STAB2: variants seen among roughly 807,000 people sequenced by gnomAD.
STAB2 encodes the protein stabilin-2.
STAB2 carries 288 observed loss-of-function variants against 338.1 expected under a neutral mutation model. That is an observed-to-expected ratio of 0.85 (90% CI 0.77 to 0.94). The LOEUF is 0.94. Ranked by LOEUF, STAB2 falls within the 40% of genes least tolerant of loss-of-function variation. The probability of loss-of-function intolerance (pLI) is 0.00; values close to 1 mark genes in which losing one functional copy is unlikely to be tolerated. For missense variants in STAB2, 3,141 were observed against 3,210.1 expected (o/e 0.98, Z 0.52); for synonymous variants, 1,202 against 1,193.3 (o/e 1.01, Z -0.15).
intron 44 of STAB2, among the ~76,000 whole-genome samples, chr12:103,720,094 C>G (rs1880640080): frequency 6.6e-6 from 1 of 152,154 alleles, no homozygotes; most frequent in Non-Finnish European, 1.5e-5. Flanking sequence ...CTACATGAAA[C>G]AGTTATGTAA....
chr12:103,641,953 C>G (rs1024914016), intron 9 of STAB2, among the ~76,000 whole-genome samples: 1 of 152,134 alleles, frequency 6.6e-6, no homozygotes, highest in Non-Finnish European at 1.5e-5. Context: ...TCATTTATGC[C>G]TTCTCAATAT....
chr12:103,662,746 C>G, intron 17 of STAB2, 100 bp from the exon 18 acceptor site: 2 of 1,454,398 alleles, frequency 1.4e-6, no homozygotes, highest in Middle Eastern at 1.9e-4. Context: ...ATGTTGAGGA[C>G]TTTTTAGCAA....
At chr12:103,644,049 G>A (rs1189515797) in intron 9 of STAB2, among the ~76,000 whole-genome samples, 1 of 107,288 alleles carries the variant, frequency 9.3e-6, no homozygotes, top group Non-Finnish European at 2.1e-5. Context: ...AGCTCATTGA[G>A]AACGGGCCAT....
chr12:103,644,647 A>C (rs1231445884), intron 9 of STAB2, among the ~76,000 whole-genome samples: 5 of 152,344 alleles, frequency 3.3e-5, no homozygotes, highest in Middle Eastern at 3.4e-3. Context: ...TGTCTTACTC[A>C]TCTTTGCTGC....
chr12:103,714,223 ACT>A (rs747258016), intron 42 of STAB2, among the ~76,000 whole-genome samples: 17 of 152,162 alleles, frequency 1.1e-4, no homozygotes, highest in Admixed American at 3.3e-4. Context: ...TATCAAAGTA[ACT>A]CTCCCTGAAA....
chr12:103,611,510 C>A (rs1204677591), intron 3 of STAB2, among the ~76,000 whole-genome samples: 5 of 152,008 alleles, frequency 3.3e-5, no homozygotes, highest in Admixed American at 3.3e-4. Context: ...AGGATTGCAA[C>A]CCCTGCCTTT....
intron 50 of STAB2, 130 bp downstream of exon 50, chr12:103,731,765 A>G: frequency 1.2e-6 from 1 of 817,792 alleles, no homozygotes; most frequent in East Asian, 2.7e-5. Context: ...GGGAAGTCTC[A>G]GTTTTCTGGA....
chr12:103,729,490 A>G (rs191320272), intron 48 of STAB2, among the ~76,000 whole-genome samples: 80 of 152,280 alleles, frequency 5.3e-4, no homozygotes, highest in South Asian at 1.0e-3. Flanking sequence ...TTTGATGTGT[A>G]CTAACTCATT....
chr12:103,656,996 T>A (rs1161620556), intron 15 of STAB2, among the ~76,000 whole-genome samples: 1 of 152,166 alleles, frequency 6.6e-6, no homozygotes, highest in Non-Finnish European at 1.5e-5. Flanking sequence ...AGGATTTTTT[T>A]AAAACTTAAC....
intron 36 of STAB2, 183 bp downstream of exon 36, chr12:103,704,797 C>A: frequency 3.5e-6 from 2 of 565,958 alleles, no homozygotes; most frequent in East Asian, 3.2e-5. Flanking sequence ...TGGACCAAGG[C>A]AAAATTTAAT....
intron 39 of STAB2, among the ~76,000 whole-genome samples, chr12:103,709,830 A>T (rs1158649803): frequency 2.0e-5 from 3 of 152,182 alleles, no homozygotes; most frequent in Non-Finnish European, 4.4e-5. Flanking sequence ...TCACATAAAC[A>T]GTAGGACATT....
chr12:103,701,125 T>C (rs1454621626), intron 34 of STAB2, among the ~76,000 whole-genome samples: 1 of 151,696 alleles, frequency 6.6e-6, no homozygotes, highest in African/African-American at 2.4e-5. Flanking sequence ...GTTCTTGCGA[T>C]AGTTTACTGA....
chr12:103,737,592 CTCTCTCTCTT>C (rs749640321), intron 52 of STAB2, 32 bp from the exon 53 acceptor site: 6 of 1,404,600 alleles, frequency 4.3e-6, no homozygotes, highest in Admixed American at 2.3e-5. Flanking sequence ...CTCTCTCTCT[CTCTCTCTCTT>C]TCTCTTTTTT....
chr12:103,708,216 C>G (rs1201844326), intron 38 of STAB2, among the ~76,000 whole-genome samples: 1 of 152,194 alleles, frequency 6.6e-6, no homozygotes, highest in Non-Finnish European at 1.5e-5. Context: ...CTCAAAACTG[C>G]AGTCTGAGCC....
chr12:103,731,714 G>C lies in STAB2; in HGVS notation c.5283+79G>C. 2.0e-6 allele frequency: 3 copies of C among 1,481,984 alleles called. No homozygotes were observed. In the South Asian group the frequency reaches 3.6e-5, roughly 18 times the overall value. The allele number at this position is 1,481,984 out of a possible 1,614,324, so 91.8% of individuals were successfully genotyped here. A position where few individuals can be genotyped will look rare whatever the true frequency, so the allele number is the denominator to read the frequency against. Reference sequence around the variant, plus strand: ...TTTTGTTTGTTTTGTTGTTGTTTCTGTTTTGTTTTGACATTGGCCAGCTGT... The same window carrying C: ...TTTTGTTTGTTTTGTTGTTGTTTCTCTTTTGTTTTGACATTGGCCAGCTGT... On this transcript the variant is annotated intron_variant, in intron 50 of 68. Coordinates refer to ENST00000388887, the MANE Select transcript of STAB2 (RefSeq NM_017564.10).
chr12:103,658,350 C>G (rs577729979), intron 15 of STAB2, among the ~76,000 whole-genome samples: 41 of 152,240 alleles, frequency 2.7e-4, no homozygotes, highest in Admixed American at 2.5e-3. Flanking sequence ...GGAAACCTAC[C>G]CTGTTCGAGC....
chr12:103,716,465 T>C (rs1405875096), intron 43 of STAB2, among the ~76,000 whole-genome samples: 1 of 152,094 alleles, frequency 6.6e-6, no homozygotes, highest in Non-Finnish European at 1.5e-5. Flanking sequence ...TGCCACATGG[T>C]GAACAAGCAA....
At chr12:103,740,083 ACT>A (rs765348492) in intron 54 of STAB2, among the ~76,000 whole-genome samples, 2 of 152,012 alleles carry the variant, frequency 1.3e-5, no homozygotes, top group Non-Finnish European at 2.9e-5. Flanking sequence ...CTAATAATGG[ACT>A]CTCTGTGCAG....
At chr12:103,720,483 G>C (rs1880677435) in intron 44 of STAB2, among the ~76,000 whole-genome samples, 1 of 152,184 alleles carries the variant, frequency 6.6e-6, no homozygotes, top group Non-Finnish European at 1.5e-5. Context: ...AGTGTTGACG[G>C]TACTCCTGAC....
Sources: allele counts gnomAD v4.1 joint callset (sites outside exome capture counted in the v4.1 genomes callset), GRCh38; gene constraint gnomAD v4.1.1; transcripts MANE v1.5; gene names NCBI Gene and HGNC (gene_info 2026-07-23, HGNC 2026-07-21).